MAP4: variants seen among roughly 807,000 people sequenced by gnomAD.
MAP4 encodes the protein microtubule associated protein 4.
Under a neutral mutation model 170.2 loss-of-function variants are expected in MAP4, and 76 were observed. The ratio of observed to expected loss-of-function variants is 0.45; its 90% CI spans 0.37 to 0.54. The LOEUF is 0.54. Ranked by LOEUF, MAP4 falls within the 20% of genes least tolerant of loss-of-function variation. The pLI, the probability that MAP4 is intolerant of heterozygous loss-of-function variation, is 0.00. For missense variants in MAP4, 2,506 were observed against 2,748.0 expected, an observed-to-expected ratio of 0.91 and a Z score of 1.97; for synonymous variants, 909 against 994.5, an observed-to-expected ratio of 0.91 and a Z score of 1.62.
intron 10 of MAP4, chr3:47,891,375 T>G: frequency 1.3e-6 from 2 of 1,536,086 alleles, no homozygotes; most frequent in Non-Finnish European, 1.7e-6. Context: ...ATGGGCAGTT[T>G]CCCAGGGCTC....
At chr3:47,983,598 G>C (rs976667787) in intron 2 of MAP4, among the ~76,000 whole-genome samples, 3 of 152,086 alleles carry the variant, frequency 2.0e-5, no homozygotes, top group Non-Finnish European at 4.4e-5. Context: ...GTGTTGGCCA[G>C]GCTGGTCTCT....
chr3:48,034,361 C>A (rs565434934), intron 1 of MAP4, among the ~76,000 whole-genome samples: 1 of 152,116 alleles, frequency 6.6e-6, no homozygotes, highest in East Asian at 1.9e-4. Context: ...GGAAAAGGAA[C>A]AGAGAAAACC....
At chr3:47,982,080 T>A (rs1358879884) in intron 2 of MAP4, among the ~76,000 whole-genome samples, 1 of 152,132 alleles carries the variant, frequency 6.6e-6, no homozygotes, top group Non-Finnish European at 1.5e-5. Flanking sequence ...AGGCCAGGAA[T>A]TCGAGACCAG....
upstream of MAP4, among the ~76,000 whole-genome samples, chr3:48,016,845 C>G (rs1487219549): frequency 1.3e-5 from 2 of 151,494 alleles, no homozygotes; most frequent in Non-Finnish European, 2.9e-5. Context: ...GGCATGATCT[C>G]AGCTCACTAC....
chr3:47,991,891 G>A (rs377304277), intron 2 of MAP4, among the ~76,000 whole-genome samples: 1 of 151,320 alleles, frequency 6.6e-6, no homozygotes, highest in South Asian at 2.1e-4. Flanking sequence ...GGCTGGTCTC[G>A]AACTCCTGAC....
At chr3:48,033,196 A>G (rs1024266691) in intron 1 of MAP4, among the ~76,000 whole-genome samples, 3 of 152,198 alleles carry the variant, frequency 2.0e-5, no homozygotes, top group African/African-American at 7.2e-5. Flanking sequence ...GGTAGGAGGT[A>G]TTATCATTCT....
intron 1 of MAP4, among the ~76,000 whole-genome samples, chr3:48,059,623 C>A (rs1218280787): frequency 2.0e-5 from 3 of 149,594 alleles, no homozygotes; most frequent in Non-Finnish European, 4.4e-5. Flanking sequence ...CACATGAAAT[C>A]TTAATTATTT....
At chr3:47,947,805 A>C (rs1214086461) in intron 3 of MAP4, among the ~76,000 whole-genome samples, 2 of 138,946 alleles carry the variant, frequency 1.4e-5, no homozygotes, top group African/African-American at 5.4e-5. Flanking sequence ...AGAGAGTCTC[A>C]AAAAAAAAAA....
At position 47,974,828 on chromosome 3, in the gene MAP4, C is replaced by A. The variant is rs370825769; in HGVS notation, c.292+3037G>T. ...GGATTATTTAATTTGGAAAAATATT[C>A]TAGGATTACTCAGAACTACTCAATT... On this transcript the variant is annotated intron_variant, in intron 3 of 20. Transcript: ENST00000683076. 52 of 967,308 alleles carry A rather than the reference C, an allele frequency of 5.4e-5. 1 individual carries two copies. In the East Asian group the frequency reaches 1.0e-3, roughly 19 times the overall value. 59.9% of individuals were successfully genotyped at this position (967,308 alleles called of 1,614,324 possible).
At chr3:48,012,979 T>G (rs1484718575) in intron 1 of MAP4, among the ~76,000 whole-genome samples, 1 of 151,932 alleles carries the variant, frequency 6.6e-6, no homozygotes. Context: ...TTGTTTTTTT[T>G]TTCCCAGAAA....
chr3:48,073,455 T>C (rs1008118698), intron 1 of MAP4, among the ~76,000 whole-genome samples: 10 of 150,174 alleles, frequency 6.7e-5, no homozygotes, highest in African/African-American at 2.5e-4. Flanking sequence ...CTACTAAAAA[T>C]ACAAAATTAG....
chr3:47,955,726 T>C (rs1559593226), intron 3 of MAP4, among the ~76,000 whole-genome samples: 1 of 152,160 alleles, frequency 6.6e-6, no homozygotes, highest in Non-Finnish European at 1.5e-5. Context: ...GTACAATGTT[T>C]GGTAGGCTTC....
intron 5 of MAP4, among the ~76,000 whole-genome samples, chr3:47,920,556 T>G (rs1248388446): frequency 6.6e-6 from 1 of 150,870 alleles, no homozygotes; most frequent in Non-Finnish European, 1.5e-5. Context: ...TTTTTTTTTT[T>G]TTTTTTTTTT....
In MAP4 at chr3:47,961,605, C is replaced by T. The variant is rs2100071617; in HGVS notation, c.292+16260G>A. On this transcript the variant is annotated intron_variant, in intron 3 of 20. Transcript: ENST00000683076. ...CAATTCCAAATCTACCTTTCATTGC[C>T]CTGCCTGTAATAATGTAAACATTTC... 2.0e-5 allele frequency among the ~76,000 whole-genome samples: 3 copies of T among 152,300 alleles called. No homozygotes were observed. In the South Asian group the frequency reaches 6.2e-4, roughly 32 times the overall value.
chr3:47,881,446 C>CCATATA (rs1301165159), intron 10 of MAP4, among the ~76,000 whole-genome samples: 4 of 49,474 alleles, frequency 8.1e-5, no homozygotes, highest in Non-Finnish European at 1.5e-4. Flanking sequence ...GAAAAAACAA[C>CCATATA]TATATATATA....
chr3:47,973,142 C>T (rs2100079786), intron 3 of MAP4: 2 of 982,980 alleles, frequency 2.0e-6, no homozygotes, highest in South Asian at 4.7e-5. Context: ...CATTAGAAGT[C>T]CCAATATACA....
intron 1 of MAP4, among the ~76,000 whole-genome samples, chr3:48,081,168 T>C (rs993853323): frequency 7.2e-5 from 11 of 151,910 alleles, no homozygotes; most frequent in African/African-American, 2.7e-4. Flanking sequence ...CAGGCGCCTG[T>C]AGTCCCAGCT....
chr3:48,000,856 A>G (rs555094123), intron 1 of MAP4, among the ~76,000 whole-genome samples: 1 of 152,302 alleles, frequency 6.6e-6, no homozygotes, highest in Non-Finnish European at 1.5e-5. Flanking sequence ...CAACAAATGT[A>G]CTTAGGAAAA....
intron 1 of MAP4, among the ~76,000 whole-genome samples, chr3:48,088,233 CCACA>C (rs1012430174): frequency 6.6e-6 from 1 of 151,596 alleles, no homozygotes; most frequent in Non-Finnish European, 1.5e-5. Context: ...GCTTTAGTCC[CCACA>C]CAGTGTCGGG....
Sources: allele counts gnomAD v4.1 joint callset (sites outside exome capture counted in the v4.1 genomes callset), GRCh38; gene constraint gnomAD v4.1.1; transcripts MANE v1.5; gene names NCBI Gene and HGNC (gene_info 2026-07-23, HGNC 2026-07-21).